The following STXBP5L variants were observed in gnomAD, a reference collection of about 807,000 sequenced individuals.
The protein encoded by STXBP5L is syntaxin binding protein 5L, also known as syntaxin-binding protein 5-like.
In STXBP5L, 65 loss-of-function variants were observed where a neutral mutation model predicts 144.5. The observed-to-expected ratio is 0.45, with a 90% CI of 0.37 to 0.55. The LOEUF is 0.55. STXBP5L is among the 20% of genes least tolerant of loss of function. The pLI, the probability that STXBP5L is intolerant of heterozygous loss-of-function variation, is 0.00. For missense variants in STXBP5L, 1,298 were observed against 1,405.5 expected, an observed-to-expected ratio of 0.92 and a Z score of 1.22; for synonymous variants, 505 against 469.6, an observed-to-expected ratio of 1.08 and a Z score of -0.97.
chr3:121,079,156 G>T (rs1277458593), intron 5 of STXBP5L, among the ~76,000 whole-genome samples: 2 of 152,258 alleles, frequency 1.3e-5, no homozygotes, highest in Non-Finnish European at 2.9e-5. Flanking sequence ...TTATTAAGGT[G>T]CTCACCGGCT....
chr3:120,916,943 A>T (rs1200518569), intron 2 of STXBP5L, among the ~76,000 whole-genome samples: 1 of 152,232 alleles, frequency 6.6e-6, no homozygotes, highest in Non-Finnish European at 1.5e-5. Flanking sequence ...GAAAATTATT[A>T]GTAGTATAAT....
At chr3:121,131,610 C>A (rs1415344961) in intron 7 of STXBP5L, among the ~76,000 whole-genome samples, 1 of 152,092 alleles carries the variant, frequency 6.6e-6, no homozygotes, top group East Asian at 1.9e-4. Flanking sequence ...AAAAACTTTA[C>A]CAACCCCTGT....
At chr3:121,364,567 T>C (rs2045811115) in intron 20 of STXBP5L, among the ~76,000 whole-genome samples, 1 of 152,072 alleles carries the variant, frequency 6.6e-6, no homozygotes, top group African/African-American at 2.4e-5. Flanking sequence ...CAATATTAAG[T>C]CCTCTAATCC....
At chr3:121,174,154 C>G (rs915396318) in intron 9 of STXBP5L, among the ~76,000 whole-genome samples, 11 of 151,840 alleles carry the variant, frequency 7.2e-5, no homozygotes. Flanking sequence ...AATATTATAC[C>G]GTTATGGTTT....
At chr3:121,418,708 C>A in intron 26 of STXBP5L, 151 bp downstream of exon 26, 1 of 818,034 alleles carries the variant, frequency 1.2e-6, no homozygotes, top group Non-Finnish European at 1.9e-6. Flanking sequence ...TATAATTCTC[C>A]CAGTGCTTGG....
At chr3:121,131,384 C>T (rs930396126) in intron 7 of STXBP5L, among the ~76,000 whole-genome samples, 1 of 152,000 alleles carries the variant, frequency 6.6e-6, no homozygotes, top group Non-Finnish European at 1.5e-5. Context: ...CTACTCCCAC[C>T]CAAAAGTACA....
rs2049528185 is a variant in STXBP5L, at chr3:121,237,735, T to TAAAAGTAAA, written c.1185-1236_1185-1235insAAAAGTAAA. On this transcript the variant is annotated intron_variant, in intron 12 of 26. Coordinates refer to ENST00000471454, the MANE Select transcript of STXBP5L (RefSeq NM_001308330.2). ...TGTTAAAAGTAACAATGCCACTTCT[T>TAAAAGTAAA]GAGCACTTTGCTGCTTAGAATTTTT... 2.6e-5 allele frequency among the ~76,000 whole-genome samples: 4 copies of TAAAAGTAAA among 152,304 alleles called. No individual in the cohort carries two copies. In the South Asian group the frequency reaches 8.3e-4, roughly 32 times the overall value.
rs191075330 is a variant in STXBP5L, at chr3:121,030,723, C to T, written c.288-10977C>T. Among the ~76,000 whole-genome samples the T allele has an allele frequency of 7.2e-5, 11 of 152,164 alleles. No individual in the cohort carries two copies. In the East Asian group the frequency reaches 1.7e-3, roughly 24 times the overall value. On this transcript the variant is annotated intron_variant, in intron 3 of 26. Coordinates refer to ENST00000471454, the MANE Select transcript of STXBP5L (RefSeq NM_001308330.2). ...ATTCCCAGGCCCCACCCTAGAACTA[C>T]TGATCAGAAATTCTCAGTGTAGGGC...
intron 3 of STXBP5L, among the ~76,000 whole-genome samples, chr3:121,025,884 ATATT>A (rs1202512552): frequency 6.8e-6 from 1 of 146,616 alleles, no homozygotes; most frequent in Non-Finnish European, 1.5e-5. Context: ...AATTATTTAT[ATATT>A]TATAATATAT....
chr3:121,257,066 G>T, intron 16 of STXBP5L, 95 bp from the exon 17 acceptor site: 1 of 941,912 alleles, frequency 1.1e-6, no homozygotes, highest in Non-Finnish European at 1.5e-6. Context: ...AAAGTTATCA[G>T]GTATTTTAAT....
intron 3 of STXBP5L, among the ~76,000 whole-genome samples, chr3:121,034,200 A>G (rs1027417143): frequency 8.5e-5 from 13 of 152,102 alleles, no homozygotes; most frequent in Non-Finnish European, 1.3e-4. Flanking sequence ...AATATACTAC[A>G]TAGTGGTGAA....
rs150385404 is a variant in STXBP5L at position 121,312,876 on chromosome 3, G to A, written c.2111-5599G>A. Among the ~76,000 whole-genome samples, 1,219 of 152,196 alleles carry A rather than the reference G, an allele frequency of 8.0e-3. 20 individuals are homozygous for A. Among genetic ancestry groups the A allele is most frequent in the African/African-American group, 0.027 (1,126 of 41,526 alleles). On this transcript the variant is annotated intron_variant, in intron 19 of 26. Coordinates refer to ENST00000471454, the MANE Select transcript of STXBP5L (RefSeq NM_001308330.2). Reference sequence around the variant, plus strand: ...TGTCTACTTCCATCCACACAGACCCGGTAAACATCCGATTTCTCAATTCTT... The same window carrying A: ...TGTCTACTTCCATCCACACAGACCCAGTAAACATCCGATTTCTCAATTCTT...
At chr3:121,038,056 G>A (rs1305430633) in intron 3 of STXBP5L, among the ~76,000 whole-genome samples, 1 of 151,690 alleles carries the variant, frequency 6.6e-6, no homozygotes, top group Non-Finnish European at 1.5e-5. Flanking sequence ...TCACTCTGGC[G>A]GAAGGTTTAT....
chr3:121,192,448 C>A lies in STXBP5L; in HGVS notation c.878-13475C>A, dbSNP rs546326632. Among the ~76,000 whole-genome samples, 147 of 152,226 alleles carry A rather than the reference C, an allele frequency of 9.7e-4. 1 individual carries two copies. The highest frequency in any genetic ancestry group is 1.0e-4 in the Non-Finnish European group (7 of 67,998). On this transcript the variant is annotated intron_variant, in intron 9 of 26. Transcript: ENST00000471454. ...TCTCCATCAAGCTATCAATGACTTTCTTCACAGAATTGGAAAACACTACTT... is the reference window on the plus strand; with the variant it reads ...TCTCCATCAAGCTATCAATGACTTTATTCACAGAATTGGAAAACACTACTT...
At chr3:121,377,763 G>A (rs936536367) in intron 20 of STXBP5L, among the ~76,000 whole-genome samples, 14 of 152,276 alleles carry the variant, frequency 9.2e-5, no homozygotes, top group Admixed American at 2.0e-4. Flanking sequence ...ACAGTGTGGC[G>A]ATTCCTCAAG....
At chr3:121,074,417 C>T (rs978596893) in intron 5 of STXBP5L, among the ~76,000 whole-genome samples, 1 of 152,116 alleles carries the variant, frequency 6.6e-6, no homozygotes, top group Admixed American at 6.5e-5. Flanking sequence ...TGTTCCAAGA[C>T]AAGGCACATC....
chr3:121,368,923 T>G (rs886635884), intron 20 of STXBP5L, among the ~76,000 whole-genome samples: 7 of 151,964 alleles, frequency 4.6e-5, no homozygotes, highest in African/African-American at 1.7e-4. Context: ...AGACAGAGGG[T>G]GTAGGGCTTG....
chr3:121,296,324 T>G (rs1252678754), intron 19 of STXBP5L, among the ~76,000 whole-genome samples: 1 of 152,200 alleles, frequency 6.6e-6, no homozygotes, highest in Non-Finnish European at 1.5e-5. Context: ...AGTAATGGAT[T>G]AACCAACTTA....
intron 20 of STXBP5L, among the ~76,000 whole-genome samples, chr3:121,355,173 G>GCTC (rs541097305): frequency 8.5e-5 from 13 of 152,108 alleles, no homozygotes; most frequent in Non-Finnish European, 1.9e-4. Context: ...CCTTGGGGTT[G>GCTC]CTCTTCTCAA....
Sources: allele counts gnomAD v4.1 joint callset (sites outside exome capture counted in the v4.1 genomes callset), GRCh38; gene constraint gnomAD v4.1.1; transcripts MANE v1.5; gene names NCBI Gene and HGNC (gene_info 2026-07-23, HGNC 2026-07-21).